The following OSBPL3 variants were observed in gnomAD, a reference collection of about 807,000 sequenced individuals.
The protein encoded by OSBPL3 is oxysterol binding protein like 3, also known as oxysterol-binding protein-related protein 3.
A neutral mutation model predicts 120.1 loss-of-function variants in OSBPL3; 65 were observed. The observed-to-expected ratio is 0.54, with a 90% CI of 0.44 to 0.67. The LOEUF (loss-of-function observed/expected upper bound fraction) is 0.67. Ranked by LOEUF, OSBPL3 falls within the 30% of genes least tolerant of loss-of-function variation. The probability of loss-of-function intolerance (pLI) is 0.00; values close to 1 mark genes in which losing one functional copy is unlikely to be tolerated. For synonymous variants in OSBPL3, 416 were observed against 402.6 expected (o/e 1.03, Z -0.40); for missense variants, 1,004 against 1,082.1 (o/e 0.93, Z 1.01).
In OSBPL3 at chr7:24,966,001, C is replaced by G. The variant is rs962989622; in HGVS notation, c.-150+13885G>C. Among the ~76,000 whole-genome samples the G allele has an allele frequency of 4.6e-5, 7 of 152,276 alleles. No individual in the cohort carries two copies. The highest frequency in any genetic ancestry group is 1.7e-4 in the African/African-American group (7 of 41,558). Reference sequence around the variant, plus strand: ...AATGTTGTCTTGCCCTTGTTTCCTCCAAACCCCCTTCACATCCATTGACAC... The same window carrying G: ...AATGTTGTCTTGCCCTTGTTTCCTCGAAACCCCCTTCACATCCATTGACAC... On this transcript the variant is annotated intron_variant, in intron 1 of 22. Coordinates refer to ENST00000313367, the MANE Select transcript of OSBPL3 (RefSeq NM_015550.4). The surrounding 1 kb of genome is among the most constrained non-coding windows in gnomAD (Gnocchi z 4.8).
rs185860381 is a variant in OSBPL3, at chr7:24,831,849, G to A, written c.1747-944C>T. On this transcript the variant is annotated intron_variant, in intron 15 of 22. Coordinates refer to ENST00000313367, the MANE Select transcript of OSBPL3 (RefSeq NM_015550.4). The surrounding 1 kb of genome is among the most constrained non-coding windows in gnomAD (Gnocchi z 4.0). ...AATTTTTGATGTTGCCTGTAATAGG[G>A]ACCACCTCACCACCTCATGCTATAG... 5.3e-5 allele frequency among the ~76,000 whole-genome samples: 8 copies of A among 152,216 alleles called. No homozygotes were observed. The highest frequency in any genetic ancestry group is 2.0e-4 in the Admixed American group (3 of 15,292).
intron 15 of OSBPL3, among the ~76,000 whole-genome samples, chr7:24,832,841 C>T (rs946496097): frequency 6.6e-6 from 1 of 152,110 alleles, no homozygotes; most frequent in South Asian, 2.1e-4. Context: ...CATAAGCAGA[C>T]GTGCAGGACA....
rs765089693 is a variant in OSBPL3, at chr7:24,830,734, C to G, written c.1884+34G>C. 62 of 1,572,788 alleles carry G rather than the reference C, an allele frequency of 3.9e-5. No homozygotes were observed. The highest frequency in any genetic ancestry group is 4.2e-5 in the Non-Finnish European group (49 of 1,162,918). On this transcript the variant is annotated intron_variant, in intron 16 of 22. Coordinates refer to ENST00000313367, the MANE Select transcript of OSBPL3 (RefSeq NM_015550.4). This position sits in a 1 kb window ranked among gnomAD's most constrained non-coding sequence, Gnocchi z 4.4. ...ACATTTAATGGGAGACATAAGCAAC[C>G]CCTCCCAACAAGCAAAAAATGGTGT...
At chr7:24,897,773 A>G (rs1231493898) in intron 1 of OSBPL3, among the ~76,000 whole-genome samples, 2 of 152,262 alleles carry the variant, frequency 1.3e-5, no homozygotes, top group Non-Finnish European at 2.9e-5. Flanking sequence ...TAAAAGCCAC[A>G]GAATTCATCA....
chr7:24,919,647 G>GA (rs1810146195), intron 1 of OSBPL3, among the ~76,000 whole-genome samples: 1 of 151,558 alleles, frequency 6.6e-6, no homozygotes, highest in South Asian at 2.1e-4. Flanking sequence ...AACTAAGGGG[G>GA]AAAAAAGTGA....
chr7:24,874,652 T>C (rs1444408328), intron 2 of OSBPL3, among the ~76,000 whole-genome samples: 2 of 151,604 alleles, frequency 1.3e-5, no homozygotes, highest in Admixed American at 6.6e-5. Context: ...TTAACATAAA[T>C]AAACAAAAAA....
chr7:24,978,220 T>C (rs1240488692), intron 1 of OSBPL3, among the ~76,000 whole-genome samples: 2 of 152,238 alleles, frequency 1.3e-5, no homozygotes, highest in Non-Finnish European at 2.9e-5. Flanking sequence ...GTTCCTAGTA[T>C]TGCTATTTGT....
chr7:24,848,020 CA>C (rs1446578457), intron 12 of OSBPL3, among the ~76,000 whole-genome samples: 1 of 152,174 alleles, frequency 6.6e-6, no homozygotes. Context: ...AAGCTTCTGC[CA>C]GACAGAGGGT....
At chr7:24,866,926 G>A (rs1388658282) in intron 5 of OSBPL3, among the ~76,000 whole-genome samples, 1 of 152,086 alleles carries the variant, frequency 6.6e-6, no homozygotes, top group African/African-American at 2.4e-5. Flanking sequence ...TCAACCTCCC[G>A]AGTAGCTGGG....
rs1436548087 is a variant in OSBPL3 at position 24,972,669 on chromosome 7, A to G, written c.-150+7217T>C. Among the ~76,000 whole-genome samples, 49 of 152,198 alleles carry G rather than the reference A, an allele frequency of 3.2e-4. 1 individual carries two copies. The highest frequency in any genetic ancestry group is 3.2e-3 in the Admixed American group (49 of 15,282). ...GCGCATGCTTTAATTCTAGGGAGGC[A>G]TCTACTTCAAATTTAATAAGAGTTG... is the stretch of plus-strand genomic sequence containing the variant. On this transcript the variant is annotated intron_variant, in intron 1 of 22. Transcript: ENST00000313367. The surrounding 1 kb of genome is among the most constrained non-coding windows in gnomAD (Gnocchi z 4.3).
chr7:24,877,391 C>T lies in OSBPL3; in HGVS notation c.97-5322G>A, dbSNP rs1562871520. Among the ~76,000 whole-genome samples, 1 of 152,118 alleles carries T rather than the reference C, an allele frequency of 6.6e-6. No individual in the cohort carries two copies. Among genetic ancestry groups the T allele is most frequent in the Admixed American group, 6.5e-5 (1 of 15,270 alleles). On this transcript the variant is annotated intron_variant, in intron 2 of 22. Coordinates refer to ENST00000313367, the MANE Select transcript of OSBPL3 (RefSeq NM_015550.4). The surrounding 1 kb of genome is among the most constrained non-coding windows in gnomAD (Gnocchi z 4.8). ...GTGCATTTTAAGGCTGCCAAGTCTT[C>T]GCCATTCATTTTTTTTCATATTTGG...
intron 1 of OSBPL3, among the ~76,000 whole-genome samples, chr7:24,963,649 G>A (rs1413607740): frequency 6.6e-6 from 1 of 152,232 alleles, no homozygotes; most frequent in African/African-American, 2.4e-5. Flanking sequence ...TGGTAAAAAA[G>A]GGGCAGGACT....
chr7:24,930,413 T>C lies in OSBPL3; in HGVS notation c.-149-37792A>G, dbSNP rs568550188. On this transcript the variant is annotated intron_variant, in intron 1 of 22. Transcript: ENST00000313367. The surrounding 1 kb of genome is among the most constrained non-coding windows in gnomAD (Gnocchi z 4.4). Reference sequence around the variant, plus strand: ...GATTACACTTAACAAAGGTTTCCCATCTCTTGTTCTAAAGATATCTCAAAA... The same window carrying C: ...GATTACACTTAACAAAGGTTTCCCACCTCTTGTTCTAAAGATATCTCAAAA... Among the ~76,000 whole-genome samples, 1 of 152,090 alleles carries C rather than the reference T, an allele frequency of 6.6e-6. No individual in the cohort carries two copies. Among genetic ancestry groups the C allele is most frequent in the East Asian group, 1.9e-4 (1 of 5,180 alleles).
rs1796732251 is a variant in OSBPL3, at chr7:24,834,340, A to C, written c.1746+146T>G. 1 of 1,486,414 alleles carries C rather than the reference A, an allele frequency of 6.7e-7. No individual in the cohort carries two copies. The highest frequency in any genetic ancestry group is 8.9e-7 in the Non-Finnish European group (1 of 1,117,712). The allele number at this position is 1,486,414 out of a possible 1,614,324, so 92.1% of individuals were successfully genotyped here. ...TGGAAACAGCCAGGCGGAGGAAGCCAGACAGCTCTGAGTAATGAACCTGTT... is the reference window on the plus strand; with the variant it reads ...TGGAAACAGCCAGGCGGAGGAAGCCCGACAGCTCTGAGTAATGAACCTGTT... On this transcript the variant is annotated intron_variant, in intron 15 of 22. Coordinates refer to ENST00000313367, the MANE Select transcript of OSBPL3 (RefSeq NM_015550.4). The surrounding 1 kb of genome is among the most constrained non-coding windows in gnomAD (Gnocchi z 5.2).
chr7:24,969,251 A>G lies in OSBPL3; in HGVS notation c.-150+10635T>C, dbSNP rs143871393. Among the ~76,000 whole-genome samples the G allele has an allele frequency of 1.5e-3, 227 of 152,340 alleles. No homozygotes were observed. The Middle Eastern group carries it at 0.024, about 16-fold the overall frequency. Reference sequence around the variant, plus strand: ...ATTTTCTCTTTTTATGAGTGAAGTTAAAGTTTTCATATGTTTATGAGTCAT... The same window carrying G: ...ATTTTCTCTTTTTATGAGTGAAGTTGAAGTTTTCATATGTTTATGAGTCAT... On this transcript the variant is annotated intron_variant, in intron 1 of 22. Transcript: ENST00000313367.
At chr7:24,927,290 G>A (rs1584644889) in intron 1 of OSBPL3, among the ~76,000 whole-genome samples, 1 of 152,142 alleles carries the variant, frequency 6.6e-6, no homozygotes, top group Non-Finnish European at 1.5e-5. Context: ...ATTTTTATAA[G>A]GTACAAGCTT....
rs1296041740 is a variant in OSBPL3, at chr7:24,959,975, T to C, written c.-150+19911A>G. On this transcript the variant is annotated intron_variant, in intron 1 of 22. Coordinates refer to ENST00000313367, the MANE Select transcript of OSBPL3 (RefSeq NM_015550.4). This position sits in a 1 kb window ranked among gnomAD's most constrained non-coding sequence, Gnocchi z 4.3. ...ACCAACAGAGATCAGCTACTGAGAG[T>C]AGGCAAAGATTGCAGAGAAAGATAA... Among the ~76,000 whole-genome samples, 1 of 152,134 alleles carries C rather than the reference T, an allele frequency of 6.6e-6. No homozygotes were observed.
In OSBPL3 at chr7:24,867,035, G is replaced by T. The variant is rs1408069393; in HGVS notation, c.382-798C>A. Reference sequence around the variant, plus strand: ...CAGGCTGGTCTCGAACTCCTGACCTGGTGATCTGCCCGCCTCGGCCTCCCA... The same window carrying T: ...CAGGCTGGTCTCGAACTCCTGACCTTGTGATCTGCCCGCCTCGGCCTCCCA... On this transcript the variant is annotated intron_variant, in intron 5 of 22. Coordinates refer to ENST00000313367, the MANE Select transcript of OSBPL3 (RefSeq NM_015550.4). This position sits in a 1 kb window ranked among gnomAD's most constrained non-coding sequence, Gnocchi z 4.5. 6.6e-6 allele frequency among the ~76,000 whole-genome samples: 1 copy of T among 152,112 alleles called. No homozygotes were observed. Among genetic ancestry groups the T allele is most frequent in the Non-Finnish European group, 1.5e-5 (1 of 68,010 alleles).
At chr7:24,960,280 ATT>A (rs1456716657) in intron 1 of OSBPL3, among the ~76,000 whole-genome samples, 1 of 152,208 alleles carries the variant, frequency 6.6e-6, no homozygotes, top group African/African-American at 2.4e-5. Flanking sequence ...TTCTAAAAAT[ATT>A]CTCATAATAC....
Sources: allele counts gnomAD v4.1 joint callset (sites outside exome capture counted in the v4.1 genomes callset), GRCh38; gene constraint gnomAD v4.1.1; non-coding constraint Gnocchi (gnomAD v3.1); transcripts MANE v1.5; gene names NCBI Gene and HGNC (gene_info 2026-07-23, HGNC 2026-07-21).